Variants in RIN2 observed in about 807,000 individuals in gnomAD.
RIN2 encodes RAB5 interacting protein 2.
In RIN2, 36 loss-of-function variants were observed where a neutral mutation model predicts 78.0. The ratio of observed to expected loss-of-function variants is 0.46; its 90% CI spans 0.35 to 0.61. RIN2 has a LOEUF of 0.61. Ranked by LOEUF, RIN2 falls within the 20% of genes least tolerant of loss-of-function variation. The probability of loss-of-function intolerance (pLI) is 0.00; values close to 1 mark genes in which losing one functional copy is unlikely to be tolerated. For missense variants in RIN2, 1,087 were observed against 1,159.7 expected (o/e 0.94, Z 0.91); for synonymous variants, 466 against 466.8 (o/e 1.00, Z 0.02).
At chr20:19,935,057 C>T in intron 3 of RIN2, 42 bp from the exon 4 acceptor site, 2 of 1,493,564 alleles carry the variant, frequency 1.3e-6, no homozygotes, top group Non-Finnish European at 1.8e-6. Flanking sequence ...CATGCCACGC[C>T]TCTCCACTTC....
intron 2 of RIN2, among the ~76,000 whole-genome samples, chr20:19,812,900 T>C (rs546923720): frequency 6.8e-4 from 103 of 152,376 alleles, no homozygotes; most frequent in African/African-American, 2.4e-3. Flanking sequence ...CATGATTATC[T>C]TCCTTTCTTT....
chr20:19,981,382 C>T (rs2042448502), intron 9 of RIN2, among the ~76,000 whole-genome samples: 1 of 152,150 alleles, frequency 6.6e-6, no homozygotes, highest in African/African-American at 2.4e-5. Context: ...AGGTTTCTGC[C>T]CTGTAAAATT....
At chr20:19,852,997 T>TA (rs1174862688) in intron 2 of RIN2, among the ~76,000 whole-genome samples, 2 of 151,696 alleles carry the variant, frequency 1.3e-5, no homozygotes, top group African/African-American at 4.8e-5. Flanking sequence ...ACTCGTCATT[T>TA]ACATTAGGTA....
intron 9 of RIN2, among the ~76,000 whole-genome samples, chr20:19,987,904 GA>G (rs774968108): frequency 6.6e-6 from 1 of 152,060 alleles, no homozygotes; most frequent in East Asian, 1.9e-4. Flanking sequence ...AGAGGAGAAA[GA>G]AAAAAACAAC....
chr20:19,801,906 C>T (rs567348730), intron 2 of RIN2, among the ~76,000 whole-genome samples: 1 of 152,200 alleles, frequency 6.6e-6, no homozygotes, highest in Admixed American at 6.5e-5. Flanking sequence ...TTCTCACTTC[C>T]TCTGTCCTTC....
At chr20:19,940,530 A>C (rs1455955381) in intron 4 of RIN2, among the ~76,000 whole-genome samples, 3 of 152,174 alleles carry the variant, frequency 2.0e-5, no homozygotes, top group Non-Finnish European at 4.4e-5. Flanking sequence ...GTAGGAGCTG[A>C]TTAAATCTCC....
At position 19,758,335 on chromosome 20, in the gene RIN2, G is replaced by A. The variant is rs1044976450; in HGVS notation, c.-163+8G>A. On this transcript the variant is annotated splice_region_variant and intron_variant, in intron 1 of 12. Transcript: ENST00000255006. ...GGGGAGGGCCCGCGAGAGGTAAGGG[G>A]CGGTGGCAGCGGAGACCCCACCCCC... The A allele has an allele frequency of 1.3e-5, 2 of 152,296 alleles. No homozygotes were observed. Among genetic ancestry groups the A allele is most frequent in the African/African-American group, 4.8e-5 (2 of 41,470 alleles). 9.4% of individuals were successfully genotyped at this position (152,296 alleles called of 1,614,324 possible). A position where few individuals can be genotyped will look rare whatever the true frequency, so the allele number is the denominator to read the frequency against.
At chr20:19,901,535 TG>T (rs2038983434) in intron 3 of RIN2, among the ~76,000 whole-genome samples, 1 of 152,134 alleles carries the variant, frequency 6.6e-6, no homozygotes, top group Non-Finnish European at 1.5e-5. Flanking sequence ...AACTAAACCC[TG>T]GGGAAAATGA....
chr20:19,988,720 C>T (rs1178234662), intron 9 of RIN2, among the ~76,000 whole-genome samples: 1 of 152,210 alleles, frequency 6.6e-6, no homozygotes, highest in East Asian at 1.9e-4. Context: ...GCCTCCCACA[C>T]CCAAAGGTGT....
chr20:19,974,939 G>A lies in RIN2; in HGVS notation c.914G>A (p.Arg305Gln). The change falls in exon 9 of 13, where the codon CGG (arginine) becomes CAG (glutamine). Residue 305 changes from arginine to glutamine, a missense_variant. Transcript: ENST00000255006. The part of the protein sequence containing the change: ...TPNANGTERT[R>Q]SPPPRPPPPA... ...AACGCGAATGGCACGGAGCGGACTCGGTCCCCCCCACCCAGGCCCCCGCCA... is the reference window on the plus strand; with the variant it reads ...AACGCGAATGGCACGGAGCGGACTCAGTCCCCCCCACCCAGGCCCCCGCCA... The A allele has an allele frequency of 2.5e-6, 4 of 1,613,430 alleles. No homozygotes were observed. The East Asian group carries it at 6.7e-5, about 27-fold the overall frequency.
chr20:19,767,633 G>A lies in RIN2; in HGVS notation c.-163+9306G>A, dbSNP rs922530892. On this transcript the variant is annotated intron_variant, in intron 1 of 12. Coordinates refer to ENST00000255006, the MANE Select transcript of RIN2 (RefSeq NM_018993.4). ...TTCATTATGGCACCACTTAGAATGC[G>A]AGGCTCCTGGCCAGGCGTGGTGGCT... Among the ~76,000 whole-genome samples the A allele has an allele frequency of 9.2e-5, 14 of 152,098 alleles. No homozygotes were observed. The South Asian group carries it at 1.5e-3, about 16-fold the overall frequency.
chr20:19,868,326 A>T (rs1038702487), intron 2 of RIN2, among the ~76,000 whole-genome samples: 7 of 152,226 alleles, frequency 4.6e-5, no homozygotes, highest in African/African-American at 1.7e-4. Flanking sequence ...CTACGTTATG[A>T]GTTTCTTAGT....
intron 12 of RIN2, 88 bp downstream of exon 12, chr20:19,996,930 C>T: frequency 7.5e-7 from 1 of 1,333,202 alleles, no homozygotes; most frequent in Non-Finnish European, 1.0e-6. Context: ...GAGGTCCCCA[C>T]TGTGTTGAAT....
rs564565060 is a variant in RIN2, at chr20:19,890,501, C to T, written c.57+843C>T. On this transcript the variant is annotated intron_variant, in intron 3 of 12. Transcript: ENST00000255006. ...TTGAAATCTGTCATAGGCAGTGTTC[C>T]AACACCAGGTCTTGTCCTCAGAGGA... Among the ~76,000 whole-genome samples the T allele has an allele frequency of 3.9e-5, 6 of 151,946 alleles. No individual in the cohort carries two copies. In the South Asian group the frequency reaches 1.2e-3, roughly 32 times the overall value.
At chr20:19,800,351 G>C (rs946678608) in intron 2 of RIN2, among the ~76,000 whole-genome samples, 4 of 152,158 alleles carry the variant, frequency 2.6e-5, no homozygotes, top group Admixed American at 6.5e-5. Context: ...CACAGTCATG[G>C]CTCCTCCAAA....
chr20:19,972,567 G>C (rs1309121987), intron 8 of RIN2, among the ~76,000 whole-genome samples: 1 of 152,220 alleles, frequency 6.6e-6, no homozygotes, highest in Non-Finnish European at 1.5e-5. Context: ...TAAAAGTACT[G>C]TTCATCAAAC....
At chr20:19,934,228 A>G (rs2146114898) in intron 3 of RIN2, among the ~76,000 whole-genome samples, 1 of 152,354 alleles carries the variant, frequency 6.6e-6, no homozygotes, top group East Asian at 1.9e-4. Flanking sequence ...ATTTTAAAAC[A>G]ATAATGGACC....
At chr20:19,912,733 C>T (rs1457943879) in intron 3 of RIN2, among the ~76,000 whole-genome samples, 1 of 152,158 alleles carries the variant, frequency 6.6e-6, no homozygotes, top group Middle Eastern at 3.2e-3. Flanking sequence ...CTCGCCTCAG[C>T]CTCCCAAAGT....
At chr20:19,765,562 A>G (rs1339735299) in intron 1 of RIN2, among the ~76,000 whole-genome samples, 1 of 152,208 alleles carries the variant, frequency 6.6e-6, no homozygotes, top group Non-Finnish European at 1.5e-5. Context: ...ATACTTACAC[A>G]GACTGGGAAG....
Sources: gnomAD v4.1 joint callset for allele counts (sites outside exome capture counted in the v4.1 genomes callset) on GRCh38, gnomAD v4.1.1 for gene constraint, MANE v1.5 for transcripts, NCBI Gene and HGNC (gene_info 2026-07-23, HGNC 2026-07-21) for gene names.